The following LRRTM4 variants were observed in gnomAD, a reference collection of about 807,000 sequenced individuals.
LRRTM4 encodes leucine rich repeat transmembrane neuronal 4, also known as leucine-rich repeat transmembrane neuronal protein 4.
LRRTM4 carries 25 observed loss-of-function variants against 47.6 expected under a neutral mutation model. The ratio of observed to expected loss-of-function variants is 0.53; its 90% CI spans 0.38 to 0.73. LRRTM4 has a LOEUF of 0.73. LRRTM4 is among the 30% of genes least tolerant of loss of function. The probability of loss-of-function intolerance (pLI) is 0.00; values close to 1 mark genes in which losing one functional copy is unlikely to be tolerated. For missense variants in LRRTM4, 638 were observed against 713.4 expected (o/e 0.89, Z 1.20); for synonymous variants, 311 against 269.5 (o/e 1.15, Z -1.51).
At chr2:77,415,615 C>G (rs1674607658) in intron 3 of LRRTM4, among the ~76,000 whole-genome samples, 1 of 152,110 alleles carries the variant, frequency 6.6e-6, no homozygotes, top group African/African-American at 2.4e-5. Context: ...ATCTATTTGC[C>G]TGTTTAATTT....
intron 3 of LRRTM4, among the ~76,000 whole-genome samples, chr2:77,266,532 G>GAAGATA (rs1201047477): frequency 6.6e-6 from 1 of 152,066 alleles, no homozygotes; most frequent in East Asian, 1.9e-4. Context: ...GGGGAAAAAA[G>GAAGATA]AAGATAAAAA....
At chr2:77,440,071 A>C (rs1350683305) in intron 3 of LRRTM4, among the ~76,000 whole-genome samples, 1 of 152,192 alleles carries the variant, frequency 6.6e-6, no homozygotes, top group Non-Finnish European at 1.5e-5. Context: ...TGGCAAAGAA[A>C]AGATGGGTGA....
intron 3 of LRRTM4, among the ~76,000 whole-genome samples, chr2:77,035,178 C>T (rs1363139898): frequency 6.6e-6 from 1 of 151,618 alleles, no homozygotes; most frequent in Non-Finnish European, 1.5e-5. Flanking sequence ...TCGTCATTTA[C>T]ATTAGATATA....
At chr2:77,053,828 T>G (rs755969712) in intron 3 of LRRTM4, among the ~76,000 whole-genome samples, 4 of 152,182 alleles carry the variant, frequency 2.6e-5, no homozygotes, top group Non-Finnish European at 5.9e-5. Flanking sequence ...CCATTTAATA[T>G]GTTTGTGAAA....
intron 3 of LRRTM4, among the ~76,000 whole-genome samples, chr2:77,005,745 G>A (rs1398889113): frequency 1.3e-5 from 2 of 152,124 alleles, no homozygotes; most frequent in Non-Finnish European, 2.9e-5. Context: ...CGCAGTGATT[G>A]CGAGGCCTCT....
intron 3 of LRRTM4, among the ~76,000 whole-genome samples, chr2:76,773,680 T>G (rs1329469528): frequency 1.3e-5 from 2 of 151,728 alleles, no homozygotes; most frequent in African/African-American, 4.8e-5. Context: ...AATTTAAAAT[T>G]TCCTAAGATG....
intron 3 of LRRTM4, among the ~76,000 whole-genome samples, chr2:76,932,284 T>C (rs542918204): frequency 6.6e-6 from 1 of 152,270 alleles, no homozygotes; most frequent in East Asian, 1.9e-4. Flanking sequence ...CAAAAACAGG[T>C]TCTACCATTA....
chr2:76,757,776 C>A (rs1673104840), intron 3 of LRRTM4, among the ~76,000 whole-genome samples: 1 of 152,106 alleles, frequency 6.6e-6, no homozygotes, highest in Admixed American at 6.6e-5. Context: ...ATACAGAAGA[C>A]AAGTTTCTCC....
At chr2:77,302,442 G>A (rs1160711955) in intron 3 of LRRTM4, among the ~76,000 whole-genome samples, 2 of 152,080 alleles carry the variant, frequency 1.3e-5, no homozygotes, top group Admixed American at 1.3e-4. Context: ...GCTCTCTAAA[G>A]CACGAATACT....
intron 3 of LRRTM4, among the ~76,000 whole-genome samples, chr2:76,960,340 A>T (rs976993724): frequency 6.6e-6 from 1 of 151,664 alleles, no homozygotes; most frequent in Non-Finnish European, 1.5e-5. Flanking sequence ...TGCATTTTTT[A>T]TTTTTTGTTT....
chr2:77,215,095 T>A (rs971737605), intron 3 of LRRTM4, among the ~76,000 whole-genome samples: 23 of 152,192 alleles, frequency 1.5e-4, no homozygotes, highest in Non-Finnish European at 1.5e-4. Flanking sequence ...TGGCTGTTAC[T>A]TTGATGATCA....
At chr2:77,419,511 A>G (rs1261536661) in intron 3 of LRRTM4, among the ~76,000 whole-genome samples, 1 of 152,208 alleles carries the variant, frequency 6.6e-6, no homozygotes, top group East Asian at 1.9e-4. Context: ...AGTGCTATGT[A>G]AATAGTTGCT....
chr2:77,220,856 G>T (rs916981845), intron 3 of LRRTM4, among the ~76,000 whole-genome samples: 1 of 152,064 alleles, frequency 6.6e-6, no homozygotes, highest in African/African-American at 2.4e-5. Context: ...TACAGAGAAC[G>T]CCACAAAGAT....
At chr2:77,269,440 G>A (rs1015305165) in intron 3 of LRRTM4, among the ~76,000 whole-genome samples, 1 of 152,030 alleles carries the variant, frequency 6.6e-6, no homozygotes, top group African/African-American at 2.4e-5. Flanking sequence ...ATGATAAAAA[G>A]AAGACAATTA....
chr2:76,809,926 C>T (rs1036038526), intron 3 of LRRTM4, among the ~76,000 whole-genome samples: 4 of 152,096 alleles, frequency 2.6e-5, no homozygotes, highest in Middle Eastern at 3.2e-3. Context: ...TATACAGTTC[C>T]TATTCAAACC....
intron 3 of LRRTM4, among the ~76,000 whole-genome samples, chr2:76,903,285 C>A (rs1424980942): frequency 6.6e-6 from 1 of 152,102 alleles, no homozygotes; most frequent in Non-Finnish European, 1.5e-5. Flanking sequence ...ACCTGTAATC[C>A]CAGCACTTTG....
At chr2:77,474,539 C>T (rs1048281035) in intron 3 of LRRTM4, among the ~76,000 whole-genome samples, 2 of 151,756 alleles carry the variant, frequency 1.3e-5, no homozygotes, top group East Asian at 1.9e-4. Flanking sequence ...AGATTAAAGA[C>T]CAAAACTTGT....
intron 3 of LRRTM4, among the ~76,000 whole-genome samples, chr2:76,928,166 G>T (rs1197541247): frequency 6.6e-6 from 1 of 152,098 alleles, no homozygotes; most frequent in African/African-American, 2.4e-5. Flanking sequence ...GGAAATTTAG[G>T]TTTGCAACAA....
intron 3 of LRRTM4, among the ~76,000 whole-genome samples, chr2:77,219,275 T>C (rs925147278): frequency 2.0e-5 from 3 of 152,158 alleles, no homozygotes; most frequent in Non-Finnish European, 4.4e-5. Context: ...AAACAACTTT[T>C]GCACCATCTG....
Sources: allele counts gnomAD v4.1 joint callset (sites outside exome capture counted in the v4.1 genomes callset), GRCh38; gene constraint gnomAD v4.1.1; transcripts MANE v1.5; gene names NCBI Gene and HGNC (gene_info 2026-07-23, HGNC 2026-07-21).